Variants in DYM observed in about 807,000 individuals in gnomAD.
The protein encoded by DYM is dyggve-Melchior-Clausen syndrome protein.
Under a neutral mutation model 93.1 loss-of-function variants are expected in DYM, and 78 were observed. The ratio of observed to expected loss-of-function variants is 0.84; its 90% confidence interval spans 0.70 to 1.01. The LOEUF (loss-of-function observed/expected upper bound fraction) is 1.01. DYM is among the 50% of genes least tolerant of loss of function. The pLI, the probability that DYM is intolerant of heterozygous loss-of-function variation, is 0.00. For synonymous variants in DYM, 321 were observed against 319.7 expected (o/e 1.00, Z -0.04); for missense variants, 789 against 845.0 (o/e 0.93, Z 0.82).
intron 2 of DYM, among the ~76,000 whole-genome samples, chr18:49,423,543 T>G (rs977914093): frequency 2.0e-5 from 3 of 151,820 alleles, no homozygotes; most frequent in African/African-American, 4.8e-5. Flanking sequence ...ATAACTAAGA[T>G]CGGAGCAGAA....
chr18:49,313,199 C>T (rs1030511341), intron 8 of DYM, among the ~76,000 whole-genome samples: 3 of 152,092 alleles, frequency 2.0e-5, no homozygotes, highest in African/African-American at 7.2e-5. Flanking sequence ...GGCATGGTGG[C>T]TCATGCCTGT....
intron 1 of DYM, among the ~76,000 whole-genome samples, chr18:49,441,222 AT>A (rs563679102): frequency 0.01 from 281 of 27,254 alleles, 46 homozygotes; most frequent in East Asian, 0.08. Context: ...ATTATATATA[AT>A]TATATTATAT....
At chr18:49,073,550 C>CA (rs1568375134) in intron 17 of DYM, among the ~76,000 whole-genome samples, 1 of 151,802 alleles carries the variant, frequency 6.6e-6, no homozygotes, top group Non-Finnish European at 1.5e-5. Flanking sequence ...TTAGAAAACC[C>CA]AAAAAAACAA....
At chr18:49,344,287 T>C (rs1362611466) in intron 6 of DYM, among the ~76,000 whole-genome samples, 1 of 152,120 alleles carries the variant, frequency 6.6e-6, no homozygotes, top group Non-Finnish European at 1.5e-5. Flanking sequence ...CGTTACCACG[T>C]TCCCTCACAT....
At chr18:49,449,010 G>A (rs2082318277) in intron 1 of DYM, among the ~76,000 whole-genome samples, 1 of 151,972 alleles carries the variant, frequency 6.6e-6, no homozygotes, top group African/African-American at 2.4e-5. Context: ...CCTTATTTAG[G>A]GCCACCTCCA....
At chr18:49,125,457 T>C (rs1599927560) in intron 15 of DYM, among the ~76,000 whole-genome samples, 1 of 152,160 alleles carries the variant, frequency 6.6e-6, no homozygotes, top group Non-Finnish European at 1.5e-5. Flanking sequence ...ATGTCAGTGG[T>C]AGTAGTGACA....
At chr18:49,424,811 A>G (rs1163392699) in intron 2 of DYM, among the ~76,000 whole-genome samples, 4 of 152,188 alleles carry the variant, frequency 2.6e-5, no homozygotes, top group Non-Finnish European at 4.4e-5. Flanking sequence ...AAAGAGAATA[A>G]AATACCTAGG....
rs2065323609 is a variant in DYM at position 49,353,841 on chromosome 18, C to G, written c.494+9320G>C. Among the ~76,000 whole-genome samples the G allele has an allele frequency of 2.0e-5, 3 of 151,880 alleles. No homozygotes were observed. In the South Asian group the frequency reaches 6.2e-4, roughly 31 times the overall value. Reference sequence around the variant, plus strand: ...AGAAAGACTCAATATTGTCAAGATTCCTCTTAATGTGATCTACAGATGCAA... The same window carrying G: ...AGAAAGACTCAATATTGTCAAGATTGCTCTTAATGTGATCTACAGATGCAA... On this transcript the variant is annotated intron_variant, in intron 6 of 17. Transcript: ENST00000675505.
intron 5 of DYM, among the ~76,000 whole-genome samples, chr18:49,378,348 C>T (rs975247148): frequency 3.3e-5 from 5 of 152,084 alleles, no homozygotes; most frequent in African/African-American, 1.2e-4. Context: ...TTCAACCCCA[C>T]CAGCTTTCTT....
intron 13 of DYM, among the ~76,000 whole-genome samples, chr18:49,232,603 CT>C (rs777802663): frequency 6.8e-3 from 643 of 94,328 alleles, no homozygotes; most frequent in African/African-American, 0.012. Flanking sequence ...TGCCCGGCCT[CT>C]TTTTTTTTTT....
intron 14 of DYM, among the ~76,000 whole-genome samples, chr18:49,173,376 G>A (rs545447287): frequency 3.3e-5 from 5 of 152,098 alleles, no homozygotes; most frequent in South Asian, 4.1e-4. Flanking sequence ...TGTGTTCAAC[G>A]TATAGATCAA....
intron 8 of DYM, among the ~76,000 whole-genome samples, chr18:49,325,027 G>A (rs1330513140): frequency 6.6e-6 from 1 of 152,072 alleles, no homozygotes; most frequent in Non-Finnish European, 1.5e-5. Flanking sequence ...TTAGCCACCA[G>A]GATGTCCAGG....
At chr18:49,279,179 G>A (rs2094913868) in intron 10 of DYM, among the ~76,000 whole-genome samples, 1 of 152,126 alleles carries the variant, frequency 6.6e-6, no homozygotes, top group African/African-American at 2.4e-5. Context: ...CTTGTTTTGA[G>A]TTAAAACAAG....
intron 8 of DYM, among the ~76,000 whole-genome samples, chr18:49,311,468 G>A (rs1159701831): frequency 1.3e-5 from 2 of 152,158 alleles, no homozygotes; most frequent in African/African-American, 4.8e-5. Flanking sequence ...CAAAGACTTG[G>A]AACCAACCTA....
intron 13 of DYM, among the ~76,000 whole-genome samples, chr18:49,233,255 A>T (rs1040751126): frequency 7.9e-5 from 12 of 151,284 alleles, no homozygotes; most frequent in Non-Finnish European, 1.5e-5. Context: ...GCTACCCGGG[A>T]GGCTGAGGCA....
At chr18:49,119,038 A>G in intron 15 of DYM, 112 bp from the exon 16 acceptor site, 1 of 874,900 alleles carries the variant, frequency 1.1e-6, no homozygotes, top group South Asian at 1.5e-5. Context: ...AAAGATCATG[A>G]AGAGAAGAAG....
chr18:49,060,922 T>G (rs941639719), intron 17 of DYM, among the ~76,000 whole-genome samples: 2 of 152,006 alleles, frequency 1.3e-5, no homozygotes, highest in African/African-American at 4.8e-5. Context: ...GAAGCCTGGC[T>G]GAGAAAAAGA....
At chr18:49,303,688 A>G (rs1371156502) in intron 8 of DYM, among the ~76,000 whole-genome samples, 3 of 152,216 alleles carry the variant, frequency 2.0e-5, no homozygotes, top group African/African-American at 7.2e-5. Context: ...TCCACTGCCC[A>G]ATTCTGAAGG....
At chr18:49,324,400 A>G (rs928473600) in intron 8 of DYM, among the ~76,000 whole-genome samples, 1 of 152,332 alleles carries the variant, frequency 6.6e-6, no homozygotes, top group South Asian at 2.1e-4. Context: ...ATAACCTTTT[A>G]GATAAATTAG....
Sources: gnomAD v4.1 joint callset for allele counts (sites outside exome capture counted in the v4.1 genomes callset) on GRCh38, gnomAD v4.1.1 for gene constraint, MANE v1.5 for transcripts, NCBI Gene and HGNC (gene_info 2026-07-23, HGNC 2026-07-21) for gene names.